PLPPR5: variants seen among roughly 807,000 people sequenced by gnomAD.
PLPPR5 encodes the protein phospholipid phosphatase related 5.
A neutral mutation model predicts 33.9 loss-of-function variants in PLPPR5; 16 were observed. The observed-to-expected ratio is 0.47, with a 90% CI of 0.32 to 0.72. The LOEUF (loss-of-function observed/expected upper bound fraction) is 0.72, where lower values mean the gene tolerates loss of function less well. Among genes scored for constraint, PLPPR5 ranks in the 30% least tolerant of loss-of-function variants. PLPPR5 has a pLI of 0.03. For synonymous variants in PLPPR5, 163 were observed against 150.3 expected (o/e 1.08, Z -0.62); for missense variants, 301 against 406.7 (o/e 0.74, Z 2.23).
chr1:98,920,614 C>CAAAAAAAAAAAAAAA (rs1649516405), intron 4 of PLPPR5, among the ~76,000 whole-genome samples: 1 of 27,008 alleles, frequency 3.7e-5, no homozygotes. Flanking sequence ...AAAAAAGCAG[C>CAAAAAAAAAAAAAAA]ACAGGATGAG....
intron 3 of PLPPR5, among the ~76,000 whole-genome samples, chr1:98,927,769 G>A (rs1557672229): frequency 6.6e-6 from 1 of 152,128 alleles, no homozygotes; most frequent in Non-Finnish European, 1.5e-5. Flanking sequence ...GGACACATTT[G>A]CCATTCAGCC....
intron 1 of PLPPR5, among the ~76,000 whole-genome samples, chr1:98,976,882 G>A (rs917842866): frequency 6.6e-6 from 1 of 151,742 alleles, no homozygotes; most frequent in Non-Finnish European, 1.5e-5. Context: ...ATTGAGTATC[G>A]TGTGTCCAGA....
At chr1:98,944,372 G>A (rs780516808) in intron 3 of PLPPR5, among the ~76,000 whole-genome samples, 1 of 152,198 alleles carries the variant, frequency 6.6e-6, no homozygotes, top group East Asian at 1.9e-4. Flanking sequence ...CTGAATGTGT[G>A]TATCCCCCTC....
At chr1:99,002,860 C>G (rs1652903653) in intron 1 of PLPPR5, among the ~76,000 whole-genome samples, 1 of 151,604 alleles carries the variant, frequency 6.6e-6, no homozygotes, top group Non-Finnish European at 1.5e-5. Flanking sequence ...TTCTTTAAAA[C>G]AATCCTTGAA....
chr1:98,925,535 GCTTA>G (rs969972292), intron 3 of PLPPR5, among the ~76,000 whole-genome samples: 3 of 152,020 alleles, frequency 2.0e-5, no homozygotes, highest in African/African-American at 4.8e-5. Context: ...AAAAGGTTTT[GCTTA>G]CTTGTTTGCT....
chr1:98,952,578 T>C (rs1308985539), intron 3 of PLPPR5, among the ~76,000 whole-genome samples: 1 of 152,228 alleles, frequency 6.6e-6, no homozygotes, highest in Non-Finnish European at 1.5e-5. Context: ...AAGGACACTT[T>C]GGTTAGTTCT....
intron 1 of PLPPR5, among the ~76,000 whole-genome samples, chr1:98,988,152 A>G (rs1229293408): frequency 6.6e-6 from 1 of 152,120 alleles, no homozygotes; most frequent in Non-Finnish European, 1.5e-5. Context: ...ACTGCAGGTC[A>G]AGTCTAAAGT....
rs992490129 is a variant in PLPPR5 at position 98,983,247 on chromosome 1, C to T, written c.237+21188G>A. ...TGCTATCCCTCCCCCCTCCCCCCAC[C>T]CCACAACAGTCCCCAGAGTGTGATA... On this transcript the variant is annotated intron_variant, in intron 1 of 5. Transcript: ENST00000263177. Among the ~76,000 whole-genome samples the T allele has an allele frequency of 1.1e-4, 13 of 121,914 alleles. 1 individual carries two copies. The East Asian group carries it at 3.3e-3, about 31-fold the overall frequency. 80.0% of individuals were successfully genotyped at this position (121,914 alleles called of 152,430 possible).
At chr1:98,921,757 TTAAA>T in intron 4 of PLPPR5, 121 bp downstream of exon 4, 1 of 746,394 alleles carries the variant, frequency 1.3e-6, no homozygotes, top group Admixed American at 2.9e-5. Context: ...TTTTATATAC[TTAAA>T]TGAATGATTT....
chr1:98,960,715 G>A (rs1317623488), intron 1 of PLPPR5, among the ~76,000 whole-genome samples: 1 of 152,122 alleles, frequency 6.6e-6, no homozygotes, highest in Non-Finnish European at 1.5e-5. Flanking sequence ...GACAATACAT[G>A]CTAGGAGAAC....
intron 4 of PLPPR5, among the ~76,000 whole-genome samples, chr1:98,916,989 G>C (rs1224620732): frequency 6.6e-6 from 1 of 152,144 alleles, no homozygotes; most frequent in Admixed American, 6.6e-5. Context: ...CGAAGAGGTT[G>C]CAATAGATCA....
At chr1:98,999,525 G>C (rs749731866) in intron 1 of PLPPR5, among the ~76,000 whole-genome samples, 1 of 152,184 alleles carries the variant, frequency 6.6e-6, no homozygotes, top group African/African-American at 2.4e-5. Flanking sequence ...TTTTGACTGA[G>C]GTTACATGGC....
rs148173047 is a variant in PLPPR5 at position 99,004,139 on chromosome 1, A to G, written c.237+296T>C. The G allele has an allele frequency of 9.4e-4, 413 of 441,372 alleles. 5 individuals carry two copies. The East Asian group carries it at 0.015, about 16-fold the overall frequency. 27.3% of individuals were successfully genotyped at this position (441,372 alleles called of 1,614,324 possible). A position where few individuals can be genotyped will look rare whatever the true frequency, so the allele number is the denominator to read the frequency against. On this transcript the variant is annotated intron_variant, in intron 1 of 5. Coordinates refer to ENST00000263177, the MANE Select transcript of PLPPR5 (RefSeq NM_001037317.2). ...ACCCCCAAAGCTCACCTCCTTTGCA[A>G]CCCGGATCCCCACTCCTCACCACCT... is the stretch of plus-strand genomic sequence containing the variant.
intron 3 of PLPPR5, among the ~76,000 whole-genome samples, chr1:98,949,030 T>A (rs1650665389): frequency 6.6e-6 from 1 of 152,176 alleles, no homozygotes; most frequent in African/African-American, 2.4e-5. Flanking sequence ...CAACAATTTA[T>A]ATGAGGTTAA....
chr1:98,919,596 A>G (rs973112669), intron 4 of PLPPR5, among the ~76,000 whole-genome samples: 1 of 152,166 alleles, frequency 6.6e-6, no homozygotes, highest in African/African-American at 2.4e-5. Flanking sequence ...TCCATGTTCC[A>G]CCAGGCTCCA....
intron 5 of PLPPR5, among the ~76,000 whole-genome samples, chr1:98,913,861 CAAAAGTCTCAAG>C (rs1296154778): frequency 3.3e-5 from 5 of 152,144 alleles, no homozygotes; most frequent in Non-Finnish European, 7.3e-5. Context: ...ATGTGGTTCA[CAAAAGTCTCAAG>C]AAAAGTATTT....
intron 5 of PLPPR5, among the ~76,000 whole-genome samples, chr1:98,898,430 C>T (rs926955419): frequency 5.3e-5 from 8 of 152,064 alleles, no homozygotes; most frequent in African/African-American, 1.7e-4. Context: ...TTCTTTAACG[C>T]ATTCACTTGC....
chr1:98,986,033 A>G (rs1652249215), intron 1 of PLPPR5, among the ~76,000 whole-genome samples: 1 of 152,010 alleles, frequency 6.6e-6, no homozygotes. Flanking sequence ...AAATTTGGAG[A>G]ATGTTAATGG....
intron 1 of PLPPR5, among the ~76,000 whole-genome samples, chr1:98,995,416 C>T (rs955963078): frequency 1.3e-5 from 2 of 152,042 alleles, no homozygotes; most frequent in African/African-American, 2.4e-5. Flanking sequence ...CTGTGACATG[C>T]GATTTACTTA....
Sources: allele counts gnomAD v4.1 joint callset (sites outside exome capture counted in the v4.1 genomes callset), GRCh38; gene constraint gnomAD v4.1.1; transcripts MANE v1.5; gene names NCBI Gene and HGNC (gene_info 2026-07-23, HGNC 2026-07-21).